Variants in METTL15 observed in about 807,000 individuals in gnomAD.
METTL15 encodes the protein methyltransferase 15, mitochondrial 12S rRNA N4-cytidine, also known as 12S rRNA N(4)-cytidine methyltransferase METTL15.
Under a neutral mutation model 38.3 loss-of-function variants are expected in METTL15, and 34 were observed. The ratio of observed to expected loss-of-function variants is 0.89; its 90% CI spans 0.68 to 1.18. The LOEUF is 1.18. METTL15 is among the 50% of genes most tolerant of loss of function. The probability of loss-of-function intolerance (pLI) is 0.00; values close to 1 mark genes in which losing one functional copy is unlikely to be tolerated. For synonymous variants in METTL15, 162 were observed against 170.9 expected (o/e 0.95, Z 0.41); for missense variants, 438 against 498.4 (o/e 0.88, Z 1.15).
chr11:28,447,020 C>A (rs909843861), intron 6 of METTL15, among the ~76,000 whole-genome samples: 1 of 151,222 alleles, frequency 6.6e-6, no homozygotes, highest in African/African-American at 2.4e-5. Flanking sequence ...AATATATATT[C>A]TTTGTGGAAA....
intron 4 of METTL15, among the ~76,000 whole-genome samples, chr11:28,358,838 C>A (rs188860065): frequency 4.6e-5 from 7 of 152,096 alleles, no homozygotes; most frequent in African/African-American, 1.7e-4. Flanking sequence ...AACCAACACC[C>A]CAAAAGCTAA....
At chr11:28,347,228 C>T (rs1850003854) in intron 3 of METTL15, among the ~76,000 whole-genome samples, 1 of 152,160 alleles carries the variant, frequency 6.6e-6, no homozygotes, top group Admixed American at 6.5e-5. Flanking sequence ...CTTGTGTTGC[C>T]ACTGAGGCCA....
At chr11:28,283,097 T>A (rs1289685331) in intron 4 of METTL15, among the ~76,000 whole-genome samples, 1 of 152,196 alleles carries the variant, frequency 6.6e-6, no homozygotes, top group Non-Finnish European at 1.5e-5. Flanking sequence ...AGCCTTTATT[T>A]AATACTATTG....
chr11:28,411,870 A>G (rs1187093160), intron 5 of METTL15, among the ~76,000 whole-genome samples: 2 of 152,096 alleles, frequency 1.3e-5, no homozygotes, highest in Non-Finnish European at 2.9e-5. Flanking sequence ...TCCAAAATTT[A>G]TAAAGAACTT....
At chr11:28,444,919 A>T (rs1017839504) in intron 6 of METTL15, among the ~76,000 whole-genome samples, 1 of 152,142 alleles carries the variant, frequency 6.6e-6, no homozygotes, top group African/African-American at 2.4e-5. Context: ...AGACAGTGTC[A>T]TTTCAGGATG....
chr11:28,389,097 T>C (rs1182495239), intron 5 of METTL15, among the ~76,000 whole-genome samples: 2 of 152,020 alleles, frequency 1.3e-5, no homozygotes, highest in African/African-American at 4.8e-5. Context: ...GATATGTGGG[T>C]TGGTTCCAAG....
At chr11:28,236,468 A>G (rs928752870) in intron 4 of METTL15, among the ~76,000 whole-genome samples, 2 of 152,108 alleles carry the variant, frequency 1.3e-5, no homozygotes, top group African/African-American at 2.4e-5. Context: ...GCTATTGTTT[A>G]TTGCCACAAT....
chr11:28,457,465 A>C (rs189257963), intron 6 of METTL15, among the ~76,000 whole-genome samples: 2 of 152,274 alleles, frequency 1.3e-5, no homozygotes, highest in African/African-American at 4.8e-5. Context: ...AACTAGCACA[A>C]ATTTTAGCTA....
chr11:28,290,430 A>C, intron 5 of METTL15, 33 bp downstream of exon 5: 1 of 1,564,204 alleles, frequency 6.4e-7, no homozygotes, highest in South Asian at 1.2e-5. Context: ...ATCTCACAAC[A>C]AGAAATCAAT....
intron 5 of METTL15, among the ~76,000 whole-genome samples, chr11:28,421,567 A>G (rs1485997833): frequency 6.6e-6 from 1 of 152,124 alleles, no homozygotes; most frequent in Non-Finnish European, 1.5e-5. Context: ...ATGCAAATGT[A>G]TCAGTGTCAT....
intron 6 of METTL15, among the ~76,000 whole-genome samples, chr11:28,481,390 C>G (rs1212531572): frequency 6.6e-6 from 1 of 152,164 alleles, no homozygotes; most frequent in Non-Finnish European, 1.5e-5. Context: ...TGTCCTTCTG[C>G]AGGGACTTTA....
chr11:28,352,615 T>C (rs1344709084), intron 4 of METTL15, among the ~76,000 whole-genome samples: 1 of 152,168 alleles, frequency 6.6e-6, no homozygotes, highest in Admixed American at 6.5e-5. Flanking sequence ...TCCCTAAGTT[T>C]CACCTTATTC....
At chr11:28,188,222 C>CCAAGG (rs1851573662) in intron 3 of METTL15, among the ~76,000 whole-genome samples, 1 of 151,204 alleles carries the variant, frequency 6.6e-6, no homozygotes, top group South Asian at 2.1e-4. Context: ...ATTTGCTTCA[C>CCAAGG]CAAACTATAC....
At chr11:28,284,564 A>T (rs192025669) in intron 4 of METTL15, among the ~76,000 whole-genome samples, 20 of 152,240 alleles carry the variant, frequency 1.3e-4, no homozygotes, top group African/African-American at 1.4e-4. Context: ...ACTTACATTT[A>T]AAAAAATAGC....
intron 6 of METTL15, among the ~76,000 whole-genome samples, chr11:28,320,845 A>G (rs1035034416): frequency 6.6e-6 from 1 of 152,084 alleles, no homozygotes; most frequent in Non-Finnish European, 1.5e-5. Flanking sequence ...TTTAAAGACA[A>G]TTTTTTTCAT....
intron 3 of METTL15, among the ~76,000 whole-genome samples, chr11:28,159,721 C>T (rs945075540): frequency 2.6e-5 from 4 of 152,102 alleles, no homozygotes; most frequent in South Asian, 2.1e-4. Context: ...ATTTAAGTAT[C>T]GTTAACTTTA....
At chr11:28,413,495 A>G (rs1850747262) in intron 5 of METTL15, among the ~76,000 whole-genome samples, 1 of 152,158 alleles carries the variant, frequency 6.6e-6, no homozygotes, top group African/African-American at 2.4e-5. Flanking sequence ...TTTTTTCTCC[A>G]CATAGAAAAC....
intron 3 of METTL15, among the ~76,000 whole-genome samples, chr11:28,203,191 C>G (rs985197039): frequency 1.3e-5 from 2 of 151,996 alleles, no homozygotes; most frequent in African/African-American, 4.8e-5. Context: ...CCTGATTGCT[C>G]TAACCACCTA....
At chr11:28,182,686 G>A (rs1851336301) in intron 3 of METTL15, among the ~76,000 whole-genome samples, 1 of 152,046 alleles carries the variant, frequency 6.6e-6, no homozygotes, top group African/African-American at 2.4e-5. Flanking sequence ...AAGTCAGGTG[G>A]GGTGATGCCT....
Sources: allele counts gnomAD v4.1 joint callset (sites outside exome capture counted in the v4.1 genomes callset), GRCh38; gene constraint gnomAD v4.1.1; transcripts MANE v1.5; gene names NCBI Gene and HGNC (gene_info 2026-07-23, HGNC 2026-07-21).